PTPRJ: variants seen among roughly 807,000 people sequenced by gnomAD.
PTPRJ encodes receptor-type tyrosine-protein phosphatase eta.
Under a neutral mutation model 141.3 loss-of-function variants are expected in PTPRJ, and 129 were observed. The observed-to-expected ratio is 0.91, with a 90% CI of 0.79 to 1.06. The LOEUF (loss-of-function observed/expected upper bound fraction) is 1.06, where lower values mean the gene tolerates loss of function less well. PTPRJ is among the 50% of genes least tolerant of loss of function. The pLI is 0.00. For missense variants in PTPRJ, 1,601 were observed against 1,679.7 expected (o/e 0.95, Z 0.82); for synonymous variants, 610 against 640.5 (o/e 0.95, Z 0.72).
intron 1 of PTPRJ, among the ~76,000 whole-genome samples, chr11:48,042,052 C>A (rs1854284527): frequency 6.6e-6 from 1 of 151,946 alleles, no homozygotes; most frequent in Non-Finnish European, 1.5e-5. Flanking sequence ...TTTGCATTTA[C>A]ACGAAGGCCA....
At chr11:48,071,038 A>T (rs1855232578) in intron 1 of PTPRJ, among the ~76,000 whole-genome samples, 1 of 152,176 alleles carries the variant, frequency 6.6e-6, no homozygotes, top group African/African-American at 2.4e-5. Flanking sequence ...GTTAAAGTAT[A>T]TTATTACTTA....
rs1400537374 is a variant in PTPRJ, at chr11:47,980,839, C to T, written c.-74C>T. On this transcript the variant is annotated 5_prime_UTR_variant, in exon 1 of 25. It adds an upstream start codon to the 5' untranslated region. Transcript: ENST00000418331. ...CGAAGGAGACGGCAGGAGGCGGCGA[C>T]GACGGTGCCCGGGCTCGGGCGCACG... 2 of 1,063,508 alleles carry T rather than the reference C, an allele frequency of 1.9e-6. No homozygotes were observed. Among genetic ancestry groups the T allele is most frequent in the Non-Finnish European group, 2.3e-6 (2 of 882,764 alleles). The allele number at this position is 1,063,508 out of a possible 1,614,324, so 65.9% of individuals were successfully genotyped here.
At chr11:48,057,468 A>C (rs1480571610) in intron 1 of PTPRJ, among the ~76,000 whole-genome samples, 1 of 152,174 alleles carries the variant, frequency 6.6e-6, no homozygotes, top group Admixed American at 6.5e-5. Context: ...GTGGGGCAGC[A>C]TTAGCTTTCT....
intron 6 of PTPRJ, among the ~76,000 whole-genome samples, chr11:48,127,456 C>T (rs1193958342): frequency 6.6e-6 from 1 of 152,202 alleles, no homozygotes; most frequent in Non-Finnish European, 1.5e-5. Context: ...GTGTGTTTGA[C>T]AACTTTTCTG....
intron 1 of PTPRJ, among the ~76,000 whole-genome samples, chr11:48,035,467 T>C (rs1404681987): frequency 6.6e-6 from 1 of 151,718 alleles, no homozygotes; most frequent in Non-Finnish European, 1.5e-5. Flanking sequence ...CCCGGGATGA[T>C]GGGTGGGGAC....
chr11:48,027,299 G>A (rs1192406479), intron 1 of PTPRJ, among the ~76,000 whole-genome samples: 5 of 151,668 alleles, frequency 3.3e-5, no homozygotes, highest in East Asian at 2.0e-4. Flanking sequence ...GAGCCACCGC[G>A]CCCGGCCCGG....
At chr11:48,149,410 C>CT (rs1408178980) in intron 15 of PTPRJ, 37 bp from the exon 16 acceptor site, 2 of 1,403,472 alleles carry the variant, frequency 1.4e-6, no homozygotes, top group Non-Finnish European at 2.0e-6. Flanking sequence ...GGAAGGAATC[C>CT]TTTTTTGTCT....
Position 48,137,248 on chromosome 11 carries a change from T to G in PTPRJ, c.2119T>G (p.Ser707Ala). 6.2e-7 allele frequency: 1 copy of G among 1,614,150 alleles called. No homozygotes were observed. The highest frequency in any genetic ancestry group is 8.5e-7 in the Non-Finnish European group (1 of 1,180,014). Reference sequence around the variant, plus strand: ...TGCACAAGTAGGGGATGGGATCAAGTCACTGGAACCTGGCCGGAAGTCATT... The same window carrying G: ...TGCACAAGTAGGGGATGGGATCAAGGCACTGGAACCTGGCCGGAAGTCATT... ...IFAQVGDGIK[S>A]LEPGRKSFCT... is the part of the protein sequence containing the mutation. Residue 707 changes from serine (S) to alanine (A), a missense_variant, in exon 10 of 25, where the codon TCA (serine) becomes GCA (alanine). Ser to Ala is a moderately conservative substitution (Grantham distance 99). Coordinates refer to ENST00000418331, the MANE Select transcript of PTPRJ (RefSeq NM_002843.4).
chr11:48,115,663 A>G (rs960417045), intron 3 of PTPRJ, among the ~76,000 whole-genome samples: 1 of 152,268 alleles, frequency 6.6e-6, no homozygotes, highest in African/African-American at 2.4e-5. Context: ...TGAATACTGT[A>G]ATGGTCATAC....
Position 48,123,785 on chromosome 11 carries a change from G to T in PTPRJ, c.789G>T (p.Lys263Asn), listed in dbSNP as rs891606609. The change falls in exon 5 of 25, where the codon AAG (lysine) becomes AAT (asparagine). Residue 263 changes from lysine to asparagine, a missense_variant. Coordinates refer to ENST00000418331, the MANE Select transcript of PTPRJ (RefSeq NM_002843.4). ...TTCAGGTCAATATCTCGGGCCTGAA[G>T]CCAGGGGTTCAATACAACATCAACC... is the stretch of plus-strand genomic sequence containing the variant. ...SRLQVNISGL[K>N]PGVQYNINPY... 6.2e-7 allele frequency: 1 copy of T among 1,613,992 alleles called. No individual in the cohort carries two copies. The highest frequency in any genetic ancestry group is 8.5e-7 in the Non-Finnish European group (1 of 1,180,026).
chr11:48,136,311 A>T lies in PTPRJ; in HGVS notation c.1873+15A>T. 1 of 1,611,280 alleles carries T rather than the reference A, an allele frequency of 6.2e-7. No homozygotes were observed. ...ACAGTACACACGTAAGTCTCTTAGGATGCCCTTCTAAGGAACAGCCTCTCT... is the reference window on the plus strand; with the variant it reads ...ACAGTACACACGTAAGTCTCTTAGGTTGCCCTTCTAAGGAACAGCCTCTCT... On this transcript the variant is annotated intron_variant, in intron 9 of 24. Transcript: ENST00000418331.
intron 1 of PTPRJ, chr11:48,015,865 A>C (rs1327683144): frequency 1.3e-5 from 2 of 152,428 alleles, no homozygotes; most frequent in Non-Finnish European, 2.9e-5. Context: ...AAAAAAAAAA[A>C]AAAAAAAAAA....
chr11:48,124,210 T>C (rs1856781731), intron 5 of PTPRJ, among the ~76,000 whole-genome samples: 1 of 152,198 alleles, frequency 6.6e-6, no homozygotes, highest in Non-Finnish European at 1.5e-5. Context: ...CTGGTTGATG[T>C]TGGCGTTGTC....
intron 1 of PTPRJ, among the ~76,000 whole-genome samples, chr11:48,064,711 C>T: frequency 6.6e-6 from 1 of 152,136 alleles, no homozygotes; most frequent in African/African-American, 2.4e-5. Context: ...TCAAGCAATT[C>T]TCCTGCCTCA....
intron 1 of PTPRJ, among the ~76,000 whole-genome samples, chr11:48,033,827 A>G (rs1342644619): frequency 2.0e-5 from 3 of 152,188 alleles, no homozygotes; most frequent in Non-Finnish European, 4.4e-5. Context: ...CCAAGGCGGG[A>G]ACTAGGAAGA....
At position 48,123,635 on chromosome 11, in the gene PTPRJ, C is replaced by T; in HGVS notation, c.639C>T (p.Leu213=). 1 of 1,613,750 alleles carries T rather than the reference C, an allele frequency of 6.2e-7. No homozygotes were observed. Among genetic ancestry groups the T allele is most frequent in the Non-Finnish European group, 8.5e-7 (1 of 1,179,860 alleles). The change falls in exon 5 of 25, where the codon CTC becomes CTT. Residue 213 remains leucine, a synonymous_variant. Coordinates refer to ENST00000418331, the MANE Select transcript of PTPRJ (RefSeq NM_002843.4). The part of the protein sequence containing the change: ...VITEPIPVSD[L]RVALTGVRKA... ...TAGAGCCGATCCCAGTTTCTGATCT[C>T]CGTGTTGCCCTCACGGGTGTGAGGA...
In PTPRJ at chr11:48,135,631, A is replaced by T. The variant is rs917005926; in HGVS notation, c.1616-408A>T. ...CGAGTAGCTGGGATTACAGGCGTGT[A>T]CCACCACACCCAACTAATTTTTGTA... On this transcript the variant is annotated intron_variant, in intron 8 of 24. Transcript: ENST00000418331. Among the ~76,000 whole-genome samples, 5 of 151,832 alleles carry T rather than the reference A, an allele frequency of 3.3e-5. No homozygotes were observed. The East Asian group carries it at 9.7e-4, about 29-fold the overall frequency.
chr11:48,161,978 T>TGCTTGGG (rs1857794214), intron 22 of PTPRJ, among the ~76,000 whole-genome samples: 1 of 152,176 alleles, frequency 6.6e-6, no homozygotes, highest in African/African-American at 2.4e-5. Flanking sequence ...TTGCCTCCAC[T>TGCTTGGG]GCTTGGGGCT....
At chr11:48,149,165 A>G (rs1480975758) in intron 15 of PTPRJ, among the ~76,000 whole-genome samples, 1 of 152,212 alleles carries the variant, frequency 6.6e-6, no homozygotes, top group African/African-American at 2.4e-5. Context: ...TGCCACTGCT[A>G]TATATTTGCA....
Sources: gnomAD v4.1 joint callset for allele counts (sites outside exome capture counted in the v4.1 genomes callset) on GRCh38, gnomAD v4.1.1 for gene constraint, MANE v1.5 for transcripts, NCBI Gene and HGNC (gene_info 2026-07-23, HGNC 2026-07-21) for gene names.